The following PCDH9 variants were observed in gnomAD, a reference collection of about 807,000 sequenced individuals.
The protein encoded by PCDH9 is protocadherin-9.
In PCDH9, 24 loss-of-function variants were observed where a neutral mutation model predicts 70.6. The ratio of observed to expected loss-of-function variants is 0.34; its 90% CI spans 0.25 to 0.48. The LOEUF (loss-of-function observed/expected upper bound fraction) is 0.48. PCDH9 is among the 20% of genes least tolerant of loss of function. The probability of loss-of-function intolerance (pLI) is 0.99; values close to 1 mark genes in which losing one functional copy is unlikely to be tolerated. For synonymous variants in PCDH9, 562 were observed against 558.5 expected (o/e 1.01, Z -0.09); for missense variants, 1,281 against 1,503.6 (o/e 0.85, Z 2.45).
rs575442787 is a variant in PCDH9 at position 67,033,209 on chromosome 13, T to C, written c.3037-129604A>G. Among the ~76,000 whole-genome samples the C allele has an allele frequency of 3.9e-5, 6 of 152,272 alleles. No individual in the cohort carries two copies. The South Asian group carries it at 1.2e-3, about 32-fold the overall frequency. ...CTACCAATCAGTACTTCTTTTTTTA[T>C]TGAATATTAAAACAGGATAATGAAA... On this transcript the variant is annotated intron_variant, in intron 2 of 4. Transcript: ENST00000377865.
At chr13:66,551,336 A>C (rs912842977) in intron 4 of PCDH9, among the ~76,000 whole-genome samples, 7 of 152,278 alleles carry the variant, frequency 4.6e-5, no homozygotes, top group African/African-American at 1.7e-4. Flanking sequence ...AATATGATTC[A>C]TAGCACTGCT....
chr13:66,571,490 C>T (rs993575466), intron 4 of PCDH9, among the ~76,000 whole-genome samples: 4 of 151,440 alleles, frequency 2.6e-5, no homozygotes, highest in African/African-American at 9.7e-5. Flanking sequence ...TATATTTAGA[C>T]TAAAAATAGC....
chr13:66,588,806 T>TGCAG lies in PCDH9; in HGVS notation c.3340+42400_3340+42403dup, dbSNP rs2138808554. 1.7e-4 allele frequency among the ~76,000 whole-genome samples: 2 copies of TGCAG among 11,644 alleles called. 1 individual carries two copies. The highest frequency in any genetic ancestry group is 0.12 in the South Asian group (2 of 16). 7.6% of individuals were successfully genotyped at this position (11,644 alleles called of 152,430 possible). On this transcript the variant is annotated intron_variant, in intron 4 of 4. Transcript: ENST00000377865. ...GTAATTGCATGGCTTGGGGTTCTAA[T>TGCAG]GCAGTGTGTTGAAGTTAAAAAAAAA...
chr13:66,410,011 T>A (rs945528608), intron 4 of PCDH9, among the ~76,000 whole-genome samples: 31 of 152,160 alleles, frequency 2.0e-4, no homozygotes, highest in African/African-American at 7.5e-4. Flanking sequence ...TCCCCTCTCC[T>A]GAGCAGATGG....
intron 3 of PCDH9, among the ~76,000 whole-genome samples, chr13:66,729,970 T>C (rs2079051496): frequency 6.6e-6 from 1 of 152,158 alleles, no homozygotes; most frequent in Non-Finnish European, 1.5e-5. Context: ...AACCACAAAG[T>C]CTGTAGAATA....
At chr13:66,738,289 T>G (rs1168674528) in intron 3 of PCDH9, among the ~76,000 whole-genome samples, 1 of 151,212 alleles carries the variant, frequency 6.6e-6, no homozygotes, top group African/African-American at 2.4e-5. Context: ...GTGCTGTCTG[T>G]TAGAAGGAAA....
chr13:66,997,612 G>C (rs1214713627), intron 2 of PCDH9, among the ~76,000 whole-genome samples: 3 of 152,176 alleles, frequency 2.0e-5, no homozygotes, highest in Non-Finnish European at 4.4e-5. Context: ...TTGGCTCACT[G>C]CAAACTCCGC....
chr13:66,790,905 T>G (rs2080153795), intron 3 of PCDH9, among the ~76,000 whole-genome samples: 1 of 152,172 alleles, frequency 6.6e-6, no homozygotes, highest in Non-Finnish European at 1.5e-5. Context: ...CCAGCTAATG[T>G]TGGCTCTCTG....
intron 2 of PCDH9, among the ~76,000 whole-genome samples, chr13:67,169,958 C>T (rs998179385): frequency 7.2e-5 from 11 of 152,272 alleles, no homozygotes; most frequent in Admixed American, 1.3e-4. Context: ...CAGTTAGGTA[C>T]GTCTCTATAT....
chr13:67,088,616 T>C (rs1300343369), intron 2 of PCDH9, among the ~76,000 whole-genome samples: 1 of 152,052 alleles, frequency 6.6e-6, no homozygotes, highest in African/African-American at 2.4e-5. Flanking sequence ...TACTATTCTT[T>C]AGAAAGTCTA....
At chr13:67,096,557 C>A (rs925857373) in intron 2 of PCDH9, among the ~76,000 whole-genome samples, 1 of 152,130 alleles carries the variant, frequency 6.6e-6, no homozygotes, top group African/African-American at 2.4e-5. Flanking sequence ...TTAATTACAT[C>A]AGGTTGGTGA....
At chr13:66,377,634 G>A (rs1292281211) in intron 4 of PCDH9, among the ~76,000 whole-genome samples, 1 of 152,188 alleles carries the variant, frequency 6.6e-6, no homozygotes, top group East Asian at 1.9e-4. Context: ...AAAGGACTTG[G>A]AAGGAATTAA....
intron 2 of PCDH9, among the ~76,000 whole-genome samples, chr13:67,107,295 CT>C (rs146950729): frequency 0.058 from 8,741 of 151,764 alleles, 320 homozygotes; most frequent in South Asian, 0.088. Flanking sequence ...CGGGCTGTCA[CT>C]TCCAGGTGGA....
intron 3 of PCDH9, among the ~76,000 whole-genome samples, chr13:66,639,933 C>T (rs2077687099): frequency 1.3e-5 from 2 of 152,130 alleles, no homozygotes; most frequent in African/African-American, 2.4e-5. Flanking sequence ...ACAGGAGCAG[C>T]TGTTCCTGAA....
intron 2 of PCDH9, among the ~76,000 whole-genome samples, chr13:67,082,689 C>T (rs866769678): frequency 6.6e-6 from 1 of 152,110 alleles, no homozygotes; most frequent in Non-Finnish European, 1.5e-5. Context: ...TGTTATCCCT[C>T]GTTCTACATA....
intron 2 of PCDH9, among the ~76,000 whole-genome samples, chr13:67,064,781 T>C (rs1296623242): frequency 2.0e-5 from 3 of 152,014 alleles, no homozygotes; most frequent in Non-Finnish European, 2.9e-5. Flanking sequence ...TTTATTAGAG[T>C]ACTATGAAAA....
At chr13:66,552,280 T>C (rs1273569188) in intron 4 of PCDH9, among the ~76,000 whole-genome samples, 3 of 152,174 alleles carry the variant, frequency 2.0e-5, no homozygotes, top group East Asian at 1.9e-4. Flanking sequence ...TCTCAACCTA[T>C]GCTGCTTTAG....
intron 2 of PCDH9, among the ~76,000 whole-genome samples, chr13:66,927,456 C>T (rs2082734928): frequency 6.6e-6 from 1 of 151,938 alleles, no homozygotes; most frequent in Admixed American, 6.6e-5. Context: ...GGCTTAATAC[C>T]TGGGTGATGA....
intron 4 of PCDH9, among the ~76,000 whole-genome samples, chr13:66,311,913 G>C (rs1040466068): frequency 6.6e-6 from 1 of 152,088 alleles, no homozygotes; most frequent in East Asian, 1.9e-4. Flanking sequence ...CAAATCCAAA[G>C]GTAAATATGA....
Sources: allele counts gnomAD v4.1 joint callset (sites outside exome capture counted in the v4.1 genomes callset), GRCh38; gene constraint gnomAD v4.1.1; transcripts MANE v1.5; gene names NCBI Gene and HGNC (gene_info 2026-07-23, HGNC 2026-07-21).